SPECC1: variants seen among roughly 807,000 people sequenced by gnomAD.
SPECC1 encodes the protein sperm antigen with calponin homology and coiled-coil domains 1, also known as cytospin-B.
A neutral mutation model predicts 104.1 loss-of-function variants in SPECC1; 62 were observed. The observed-to-expected ratio is 0.60, with a 90% CI of 0.49 to 0.74. The LOEUF (loss-of-function observed/expected upper bound fraction) is 0.74, where lower values mean the gene tolerates loss of function less well. Among genes scored for constraint, SPECC1 ranks in the 30% least tolerant of loss-of-function variants. SPECC1 has a pLI of 0.00. For missense variants in SPECC1, 1,306 were observed against 1,310.5 expected (o/e 1.00, Z 0.05); for synonymous variants, 513 against 501.6 (o/e 1.02, Z -0.30).
At chr17:20,092,222 G>A (rs1201318848) in intron 1 of SPECC1, among the ~76,000 whole-genome samples, 2 of 150,816 alleles carry the variant, frequency 1.3e-5, no homozygotes, top group Non-Finnish European at 1.5e-5. Flanking sequence ...CCCCACCATG[G>A]GTGTGGGGTC....
At chr17:20,303,222 A>G (rs1423654785) in intron 13 of SPECC1, among the ~76,000 whole-genome samples, 2 of 152,238 alleles carry the variant, frequency 1.3e-5, no homozygotes, top group East Asian at 3.8e-4. Context: ...AAGTAAACAC[A>G]AAGACCTCAA....
At chr17:20,077,394 A>G (rs1433649985) in intron 1 of SPECC1, among the ~76,000 whole-genome samples, 2 of 151,924 alleles carry the variant, frequency 1.3e-5, no homozygotes, top group Non-Finnish European at 2.9e-5. Flanking sequence ...TTATTTGATT[A>G]TTTATAGGAG....
At chr17:20,112,323 A>G (rs1208912841) in intron 3 of SPECC1, 1 of 757,006 alleles carries the variant, frequency 1.3e-6, no homozygotes, top group Admixed American at 1.7e-5. Context: ...TTTATTGGAT[A>G]TGTTAGAAGA....
At chr17:20,090,823 CCTCT>C (rs1285900665) in intron 1 of SPECC1, among the ~76,000 whole-genome samples, 1 of 152,064 alleles carries the variant, frequency 6.6e-6, no homozygotes, top group Non-Finnish European at 1.5e-5. Flanking sequence ...CAGATTATAG[CCTCT>C]CTCTTGGGTC....
chr17:20,316,878 C>T lies in SPECC1; in HGVS notation c.*2813C>T, dbSNP rs2042046971. ...GAGCAATGGCGTTGCGGTGTCCCTC[C>T]CTCCCCGCTGGGGCCATACCAGCCC... On this transcript the variant is annotated 3_prime_UTR_variant, in exon 15 of 15. Coordinates refer to ENST00000395527, the MANE Select transcript of SPECC1 (RefSeq NM_001243439.2). 1 of 212,756 alleles carries T rather than the reference C, an allele frequency of 4.7e-6. No homozygotes were observed. Among genetic ancestry groups the T allele is most frequent in the African/African-American group, 2.3e-5 (1 of 44,104 alleles). 13.2% of individuals were successfully genotyped at this position (212,756 alleles called of 1,614,324 possible).
At chr17:20,012,240 G>C (rs115011436) in intron 1 of SPECC1, among the ~76,000 whole-genome samples, 3 of 151,858 alleles carry the variant, frequency 2.0e-5, no homozygotes, top group Admixed American at 6.6e-5. Flanking sequence ...TAGTATATTG[G>C]GTATACAGTT....
intron 1 of SPECC1, among the ~76,000 whole-genome samples, chr17:20,021,927 A>G (rs957974358): frequency 6.1e-5 from 9 of 148,480 alleles, no homozygotes; most frequent in Non-Finnish European, 8.9e-5. Context: ...ACTATTTATT[A>G]TTATTATAAT....
chr17:20,106,193 T>C (rs1331753565), intron 2 of SPECC1, among the ~76,000 whole-genome samples: 1 of 152,176 alleles, frequency 6.6e-6, no homozygotes, highest in South Asian at 2.1e-4. Context: ...CCAGAATTGA[T>C]TTTCATTTGG....
At chr17:20,201,231 G>GGGGAGATCACCTGAGGTC (rs1567931108) in intron 3 of SPECC1, among the ~76,000 whole-genome samples, 3 of 152,096 alleles carry the variant, frequency 2.0e-5, no homozygotes, top group South Asian at 4.2e-4. Context: ...AGGCCAAGGC[G>GGGGAGATCACCTGAGGTC]GGGAGATCAC....
At chr17:20,096,156 CA>C (rs1567838924) in intron 1 of SPECC1, 1 of 152,208 alleles carries the variant, frequency 6.6e-6, no homozygotes, top group Non-Finnish European at 1.5e-5. Flanking sequence ...CATTTTTATC[CA>C]AAAGAAGAAA....
chr17:20,277,762 C>A (rs1459397610), intron 12 of SPECC1, among the ~76,000 whole-genome samples: 5 of 152,180 alleles, frequency 3.3e-5, no homozygotes, highest in Admixed American at 3.3e-4. Flanking sequence ...CAGCGCCTAA[C>A]CACCGTTCCG....
In SPECC1 at chr17:20,225,995, A is replaced by G. The variant is rs114241584; in HGVS notation, c.1864-1418A>G. On this transcript the variant is annotated intron_variant, in intron 4 of 14. Transcript: ENST00000395527. ...ATGCTGTGTAGATACTAGGGGTGCA[A>G]TGGTGAATTAAACAGACAAGGTCCC... 2.2e-3 allele frequency among the ~76,000 whole-genome samples: 327 copies of G among 149,334 alleles called. 1 individual carries two copies. Among genetic ancestry groups the G allele is most frequent in the African/African-American group, 6.6e-3 (266 of 40,496 alleles).
intron 14 of SPECC1, among the ~76,000 whole-genome samples, chr17:20,310,222 G>C (rs2041893741): frequency 6.6e-6 from 1 of 152,132 alleles, no homozygotes; most frequent in Non-Finnish European, 1.5e-5. Context: ...GTTTTTGATA[G>C]AACGATTTCT....
intron 1 of SPECC1, among the ~76,000 whole-genome samples, chr17:20,048,556 A>G (rs2045626972): frequency 6.6e-6 from 1 of 151,884 alleles, no homozygotes; most frequent in Admixed American, 6.6e-5. Flanking sequence ...TATAGGTTGA[A>G]TTTCCTTCTC....
At chr17:20,168,519 A>C (rs1194929662) in intron 3 of SPECC1, among the ~76,000 whole-genome samples, 1 of 152,208 alleles carries the variant, frequency 6.6e-6, no homozygotes, top group Non-Finnish European at 1.5e-5. Context: ...AAACATCCCC[A>C]TAAAGGTCAG....
intron 3 of SPECC1, among the ~76,000 whole-genome samples, chr17:20,199,080 C>CTTTTTT (rs562975649): frequency 3.9e-5 from 3 of 76,572 alleles, no homozygotes; most frequent in Admixed American, 1.6e-4. Flanking sequence ...CTTATGGTAG[C>CTTTTTT]TTTTTTTTTT....
intron 1 of SPECC1, among the ~76,000 whole-genome samples, chr17:20,021,084 A>G (rs998017187): frequency 3.9e-5 from 6 of 152,176 alleles, no homozygotes; most frequent in African/African-American, 1.4e-4. Flanking sequence ...AGGAAGAGAA[A>G]ATATACTTTT....
At chr17:20,273,477 A>G (rs1435889581) in intron 12 of SPECC1, among the ~76,000 whole-genome samples, 1 of 143,496 alleles carries the variant, frequency 7.0e-6, no homozygotes, top group Non-Finnish European at 1.5e-5. Context: ...AAAAAAAAAA[A>G]GAAGAGGCCT....
chr17:20,129,420 C>T (rs1198938029), intron 3 of SPECC1, among the ~76,000 whole-genome samples: 1 of 151,134 alleles, frequency 6.6e-6, no homozygotes, highest in African/African-American at 2.4e-5. Context: ...AATCTCCTGA[C>T]CTCGTGATCT....
Sources: allele counts gnomAD v4.1 joint callset (sites outside exome capture counted in the v4.1 genomes callset), GRCh38; gene constraint gnomAD v4.1.1; transcripts MANE v1.5; gene names NCBI Gene and HGNC (gene_info 2026-07-23, HGNC 2026-07-21).